The following GRAMD1B variants were observed in gnomAD, a reference collection of about 807,000 sequenced individuals.
GRAMD1B encodes the protein protein Aster-B.
In GRAMD1B, 37 loss-of-function variants were observed where a neutral mutation model predicts 99.7. The observed-to-expected ratio is 0.37, with a 90% confidence interval of 0.29 to 0.49. The LOEUF (loss-of-function observed/expected upper bound fraction) is 0.49, where lower values mean the gene tolerates loss of function less well. GRAMD1B is among the 20% of genes least tolerant of loss of function. The pLI, the probability that GRAMD1B is intolerant of heterozygous loss-of-function variation, is 0.98. For synonymous variants in GRAMD1B, 427 were observed against 387.6 expected (o/e 1.10, Z -1.19); for missense variants, 888 against 1,009.2 (o/e 0.88, Z 1.63).
intron 2 of GRAMD1B, among the ~76,000 whole-genome samples, chr11:123,564,183 T>C (rs1947104149): frequency 6.6e-6 from 1 of 152,232 alleles, no homozygotes; most frequent in African/African-American, 2.4e-5. Flanking sequence ...TAGCAACCTC[T>C]GGCACTGAGG....
At chr11:123,522,886 T>C (rs1420340488) in intron 2 of GRAMD1B, among the ~76,000 whole-genome samples, 3 of 152,344 alleles carry the variant, frequency 2.0e-5, no homozygotes, top group Non-Finnish European at 4.4e-5. Flanking sequence ...CTTGGGAACA[T>C]GTAAGCTTTT....
intron 2 of GRAMD1B, among the ~76,000 whole-genome samples, chr11:123,548,291 A>AATATATAT (rs139996126): frequency 0.017 from 1,248 of 74,966 alleles, 24 homozygotes; most frequent in Non-Finnish European, 0.025. Flanking sequence ...GCTGTGCCAA[A>AATATATAT]ATATATATAT....
chr11:123,560,130 A>G, intron 2 of GRAMD1B: 1 of 880,460 alleles, frequency 1.1e-6, no homozygotes, highest in Non-Finnish European at 1.4e-6. Context: ...AGCGCCGGCA[A>G]GCTGACTGCA....
intron 2 of GRAMD1B, among the ~76,000 whole-genome samples, chr11:123,538,340 T>C (rs1011323219): frequency 7.9e-5 from 12 of 152,168 alleles, no homozygotes; most frequent in African/African-American, 2.2e-4. Flanking sequence ...CCTTCTAGTG[T>C]CTTGCTTGGC....
chr11:123,533,944 A>G (rs1006888389), intron 2 of GRAMD1B, among the ~76,000 whole-genome samples: 1 of 152,258 alleles, frequency 6.6e-6, no homozygotes, highest in Non-Finnish European at 1.5e-5. Context: ...GTCTTTGTCT[A>G]TGAGAAGACA....
rs375359666 is a variant in GRAMD1B, at chr11:123,595,962, C to T, written c.894C>T (p.Asp298=). The T allele has an allele frequency of 7.2e-5, 115 of 1,606,158 alleles. No homozygotes were observed. The highest frequency in any genetic ancestry group is 4.5e-5 in the South Asian group (4 of 89,200). Residue 298 remains aspartate (D), a synonymous_variant, in exon 7 of 20, where the codon GAC becomes GAT. Coordinates refer to ENST00000635736, the MANE Select transcript of GRAMD1B (RefSeq NM_001387025.1). The stretch of plus-strand genomic sequence containing the variant: ...GCCAGCTGACAGTCCGTTTGAAAGA[C>T]ATCTGTTCCATGACTAAAGAAAAAA... The part of the protein sequence containing the change: ...WETLLTVRLK[D]ICSMTKEKTA...
Position 123,567,979 on chromosome 11 carries a change from C to T in GRAMD1B, c.453-9388C>T, listed in dbSNP as rs1947582123. 2.0e-5 allele frequency among the ~76,000 whole-genome samples: 3 copies of T among 151,774 alleles called. No individual in the cohort carries two copies. In the South Asian group the frequency reaches 6.3e-4, roughly 32 times the overall value. ...GTCAGTGCTCAGACTTTCCCTTGTA[C>T]CAAGTAATTCCTTCCAGGCTTGAGG... is the stretch of plus-strand genomic sequence containing the variant. On this transcript the variant is annotated intron_variant, in intron 2 of 19. Coordinates refer to ENST00000635736, the MANE Select transcript of GRAMD1B (RefSeq NM_001387025.1).
intron 1 of GRAMD1B, among the ~76,000 whole-genome samples, chr11:123,422,202 A>T (rs1403498531): frequency 6.6e-6 from 1 of 152,196 alleles, no homozygotes; most frequent in Non-Finnish European, 1.5e-5. Context: ...CACTAGGGCC[A>T]GTTCTGGGGC....
intron 2 of GRAMD1B, among the ~76,000 whole-genome samples, chr11:123,511,724 C>G (rs1222338407): frequency 6.6e-6 from 1 of 152,082 alleles, no homozygotes; most frequent in Admixed American, 6.5e-5. Flanking sequence ...GGTTGGGTAT[C>G]CTGTGTTGTG....
rs1191306130 is a variant in GRAMD1B at position 123,599,180 on chromosome 11, T to G, written c.970-1288T>G. On this transcript the variant is annotated intron_variant, in intron 7 of 19. Transcript: ENST00000635736. ...TTGGGTGCTTCCGGTGGAATTCCTT[T>G]ATTTGCTTGAGTCTGTTACAGAAAT... The G allele has an allele frequency of 3.0e-5, 23 of 775,278 alleles. No individual in the cohort carries two copies. The East Asian group carries it at 5.6e-4, about 19-fold the overall frequency. 48.0% of individuals were successfully genotyped at this position (775,278 alleles called of 1,614,324 possible). A position where few individuals can be genotyped will look rare whatever the true frequency, so the allele number is the denominator to read the frequency against.
At position 123,587,268 on chromosome 11, in the gene GRAMD1B, T is replaced by G. The variant is rs1172937137; in HGVS notation, c.684+2936T>G. On this transcript the variant is annotated intron_variant, in intron 4 of 19. Transcript: ENST00000635736. The surrounding 1 kb of genome is among the most constrained non-coding windows in gnomAD (Gnocchi z 4.2). ...ACAGGGAGAGGCCATAGCAGGAGAG[T>G]GTCAGGTCCAGAGTGGGGTTTGAAG... Among the ~76,000 whole-genome samples the G allele has an allele frequency of 6.6e-6, 1 of 151,106 alleles. No homozygotes were observed. The highest frequency in any genetic ancestry group is 1.5e-5 in the Non-Finnish European group (1 of 67,784).
chr11:123,461,967 CTTTTTTTTT>C (rs756413526), intron 1 of GRAMD1B, among the ~76,000 whole-genome samples: 1 of 122,314 alleles, frequency 8.2e-6, no homozygotes, highest in Non-Finnish European at 1.7e-5. Context: ...TTGTTTATTT[CTTTTTTTTT>C]TTTTTTTTGA....
chr11:123,470,284 A>C (rs1247250593), intron 1 of GRAMD1B, among the ~76,000 whole-genome samples: 2 of 152,184 alleles, frequency 1.3e-5, no homozygotes, highest in Non-Finnish European at 2.9e-5. Context: ...ACCATACAAA[A>C]GCTAACCATT....
chr11:123,361,913 A>G (rs1946159353), intron 1 of GRAMD1B, among the ~76,000 whole-genome samples: 1 of 152,236 alleles, frequency 6.6e-6, no homozygotes, highest in Non-Finnish European at 1.5e-5. Context: ...AAGTAGGCAC[A>G]TGGTCTTATG....
intron 3 of GRAMD1B, among the ~76,000 whole-genome samples, chr11:123,577,802 C>G (rs1948896385): frequency 7.1e-6 from 1 of 141,372 alleles, no homozygotes; most frequent in Non-Finnish European, 1.5e-5. Context: ...GGTAGGGAGG[C>G]TCATATTTTT....
chr11:123,625,174 GAAAC>G lies in GRAMD1B; in HGVS notation c.*2583_*2586del, dbSNP rs1955430881. 1 of 152,222 alleles carries G rather than the reference GAAAC, an allele frequency of 6.6e-6. No homozygotes were observed. Among genetic ancestry groups the G allele is most frequent in the South Asian group, 2.1e-4 (1 of 4,830 alleles). The allele number at this position is 152,222 out of a possible 1,614,324, so 9.4% of individuals were successfully genotyped here. A position where few individuals can be genotyped will look rare whatever the true frequency, so the allele number is the denominator to read the frequency against. On this transcript the variant is annotated 3_prime_UTR_variant, in exon 20 of 20. Transcript: ENST00000635736. ...CACCCTTGCAGATAAGTCTTGGAGT[GAAAC>G]AAATAAATAGCATTGTATTCCTGGC...
chr11:123,364,220 C>T (rs375624666), intron 1 of GRAMD1B, among the ~76,000 whole-genome samples: 27 of 152,184 alleles, frequency 1.8e-4, no homozygotes, highest in Admixed American at 1.7e-3. Context: ...TCAAAGGGAG[C>T]GATGGGTGGA....
At chr11:123,365,180 T>C (rs180983157) in intron 1 of GRAMD1B, among the ~76,000 whole-genome samples, 1 of 152,284 alleles carries the variant, frequency 6.6e-6, no homozygotes, top group East Asian at 1.9e-4. Context: ...GGCAAACCAA[T>C]GTTCTATTTT....
chr11:123,505,793 A>C (rs1940365993), intron 2 of GRAMD1B, among the ~76,000 whole-genome samples: 1 of 152,108 alleles, frequency 6.6e-6, no homozygotes, highest in Non-Finnish European at 1.5e-5. Flanking sequence ...TCCTTATGGG[A>C]ACACAGACAC....
Sources: gnomAD v4.1 joint callset for allele counts (sites outside exome capture counted in the v4.1 genomes callset) on GRCh38, gnomAD v4.1.1 for gene constraint, Gnocchi (gnomAD v3.1) non-coding constraint, MANE v1.5 for transcripts, NCBI Gene and HGNC (gene_info 2026-07-23, HGNC 2026-07-21) for gene names.